Variants in SIDT1 observed in about 807,000 individuals in gnomAD.
The protein encoded by SIDT1 is SID1 transmembrane family member 1.
SIDT1 carries 101 observed loss-of-function variants against 107.5 expected under a neutral mutation model. The ratio of observed to expected loss-of-function variants is 0.94; its 90% CI spans 0.80 to 1.11. SIDT1 has a LOEUF of 1.11. Ranked by LOEUF, SIDT1 falls within the 50% of genes least tolerant of loss-of-function variation. The pLI is 0.00. For missense variants in SIDT1, 1,076 were observed against 1,058.2 expected (o/e 1.02, Z -0.23); for synonymous variants, 395 against 398.2 (o/e 0.99, Z 0.10).
At chr3:113,605,122 C>CAATTTTTTTTT in intron 14 of SIDT1, 146 bp downstream of exon 14, 2 of 306,996 alleles carry the variant, frequency 6.5e-6, no homozygotes, top group Non-Finnish European at 1.1e-5. Flanking sequence ...CTATTGCTTC[C>CAATTTTTTTTT]TCTTTTTTTT....
chr3:113,533,705 A>G (rs1219109863), intron 1 of SIDT1, among the ~76,000 whole-genome samples: 1 of 152,190 alleles, frequency 6.6e-6, no homozygotes, highest in African/African-American at 2.4e-5. Context: ...CTCAGAATCT[A>G]AAATGGAAAT....
intron 3 of SIDT1, among the ~76,000 whole-genome samples, chr3:113,570,644 A>G (rs1450879215): frequency 6.6e-6 from 1 of 152,222 alleles, no homozygotes; most frequent in Admixed American, 6.5e-5. Flanking sequence ...CAAAATCACT[A>G]TTTACACACC....
At chr3:113,608,389 A>G in intron 16 of SIDT1, 30 bp from the exon 17 acceptor site, 2 of 1,562,912 alleles carry the variant, frequency 1.3e-6, no homozygotes, top group Non-Finnish European at 1.8e-6. Flanking sequence ...ACTATTTAGT[A>G]TCTATTGACC....
Position 113,567,626 on chromosome 3 carries a change from T to G in SIDT1, c.431T>G (p.Leu144Arg). 1.2e-6 allele frequency: 2 copies of G among 1,614,100 alleles called. No homozygotes were observed. Among genetic ancestry groups the G allele is most frequent in the Non-Finnish European group, 8.5e-7 (1 of 1,179,984 alleles). The change falls in exon 3 of 25, where the codon CTG becomes CGG. Residue 144 changes from leucine to arginine, a missense_variant. Transcript: ENST00000264852. ...AATGAGACGGGACCCTTGCAGCAAC[T>G]GATATTTGTAGATGTCGCATCCATG... ...ATNETGPLQQ[L>R]IFVDVASMAP... is the part of the protein sequence containing the mutation.
intron 23 of SIDT1, 24 bp from the exon 24 acceptor site, chr3:113,626,078 A>G (rs777313980): frequency 2.0e-6 from 3 of 1,525,590 alleles, no homozygotes; most frequent in Non-Finnish European, 1.8e-6. Flanking sequence ...AATCTTGCCC[A>G]TGTCCTGCCT....
At chr3:113,599,906 G>A (rs577200386) in intron 10 of SIDT1, among the ~76,000 whole-genome samples, 1 of 152,176 alleles carries the variant, frequency 6.6e-6, no homozygotes, top group South Asian at 2.1e-4. Flanking sequence ...AAAAAAGAGG[G>A]AACTATGGAA....
intron 6 of SIDT1, among the ~76,000 whole-genome samples, chr3:113,582,378 T>C (rs1336624898): frequency 6.6e-6 from 1 of 152,188 alleles, no homozygotes; most frequent in Non-Finnish European, 1.5e-5. Flanking sequence ...AAGTTAATTA[T>C]AATTTAGGTA....
At chr3:113,567,847 T>C in intron 3 of SIDT1, 137 bp downstream of exon 3, 1 of 854,598 alleles carries the variant, frequency 1.2e-6, no homozygotes, top group Non-Finnish European at 1.8e-6. Flanking sequence ...TCCTGAACTC[T>C]CCTGCCCATA....
intron 9 of SIDT1, among the ~76,000 whole-genome samples, chr3:113,586,321 T>C (rs1044797047): frequency 5.3e-5 from 8 of 152,176 alleles, no homozygotes; most frequent in African/African-American, 1.9e-4. Context: ...AGGAAGGGCC[T>C]AAACACCTGT....
chr3:113,629,017 G>A lies in SIDT1; in HGVS notation c.*1309G>A, dbSNP rs555958779. 6.6e-6 allele frequency: 1 copy of A among 152,286 alleles called. No homozygotes were observed. Among genetic ancestry groups the A allele is most frequent in the Admixed American group, 6.5e-5 (1 of 15,298 alleles). The allele number at this position is 152,286 out of a possible 1,614,324, so 9.4% of individuals were successfully genotyped here. The stretch of plus-strand genomic sequence containing the variant: ...GCCCCCTTGTTGCCTGGAGTATGAC[G>A]TAATCAGAAAATAGACGTATAAATG... On this transcript the variant is annotated 3_prime_UTR_variant, in exon 25 of 25. Transcript: ENST00000264852.
At chr3:113,608,917 G>A (rs377189252) in intron 17 of SIDT1, among the ~76,000 whole-genome samples, 32 of 152,210 alleles carry the variant, frequency 2.1e-4, no homozygotes, top group African/African-American at 7.2e-4. Context: ...CCCTGGCTTC[G>A]TAGTTCCACC....
intron 3 of SIDT1, 192 bp downstream of exon 3, chr3:113,567,902 GA>G: frequency 1.9e-6 from 1 of 527,006 alleles, no homozygotes; most frequent in Non-Finnish European, 3.3e-6. Context: ...TGGGAGTGCA[GA>G]AGGTAAGAGT....
chr3:113,560,395 A>G (rs1331506024), intron 1 of SIDT1, among the ~76,000 whole-genome samples: 1 of 152,196 alleles, frequency 6.6e-6, no homozygotes, highest in Non-Finnish European at 1.5e-5. Context: ...CTAGATTGCG[A>G]GCCTCCTCGA....
At chr3:113,604,091 A>G in intron 13 of SIDT1, 58 bp downstream of exon 13, 2 of 1,264,236 alleles carry the variant, frequency 1.6e-6, no homozygotes, top group Non-Finnish European at 2.2e-6. Context: ...TTTCTTAGTC[A>G]GAGCCACAAC....
intron 3 of SIDT1, among the ~76,000 whole-genome samples, chr3:113,568,533 G>A (rs529435322): frequency 2.0e-5 from 3 of 150,828 alleles, no homozygotes; most frequent in Non-Finnish European, 4.4e-5. Flanking sequence ...GGCGGAGCTT[G>A]CAGTGAGCCG....
intron 9 of SIDT1, among the ~76,000 whole-genome samples, chr3:113,585,575 C>A (rs977199714): frequency 6.6e-6 from 1 of 152,108 alleles, no homozygotes; most frequent in Non-Finnish European, 1.5e-5. Context: ...AACAAAAAGG[C>A]AACATGTATA....
chr3:113,605,260 T>A (rs2107684430), intron 14 of SIDT1, among the ~76,000 whole-genome samples: 1 of 151,770 alleles, frequency 6.6e-6, no homozygotes, highest in South Asian at 2.1e-4. Context: ...GTAGCTGGGA[T>A]TACAGGCATG....
downstream of SIDT1, among the ~76,000 whole-genome samples, chr3:113,629,901 ACAAATAT>A (rs1246664938): frequency 1.3e-5 from 2 of 152,344 alleles, no homozygotes; most frequent in East Asian, 3.9e-4. Flanking sequence ...GCTTGTTTTT[ACAAATAT>A]CAGTTCTAAA....
chr3:113,619,544 A>G lies in SIDT1; in HGVS notation c.2044-136A>G. 15 of 735,970 alleles carry G rather than the reference A, an allele frequency of 2.0e-5. No homozygotes were observed. In the South Asian group the frequency reaches 2.6e-4, roughly 13 times the overall value. The allele number at this position is 735,970 out of a possible 1,614,324, so 45.6% of individuals were successfully genotyped here. On this transcript the variant is annotated intron_variant, in intron 20 of 24. Coordinates refer to ENST00000264852, the MANE Select transcript of SIDT1 (RefSeq NM_017699.3). ...ATACGATTAGTGTCAGATCATAGGCAAGGCACTCTTAGAACCACAGAAAAT... is the reference window on the plus strand; with the variant it reads ...ATACGATTAGTGTCAGATCATAGGCGAGGCACTCTTAGAACCACAGAAAAT...
Sources: gnomAD v4.1 joint callset for allele counts (sites outside exome capture counted in the v4.1 genomes callset) on GRCh38, gnomAD v4.1.1 for gene constraint, MANE v1.5 for transcripts, NCBI Gene and HGNC (gene_info 2026-07-23, HGNC 2026-07-21) for gene names.